The following INTS3 variants were observed in gnomAD, a reference collection of about 807,000 sequenced individuals.
INTS3 encodes the protein integrator complex subunit 3, also known as SOSS complex subunit A.
Under a neutral mutation model 146.3 loss-of-function variants are expected in INTS3, and 34 were observed. The observed-to-expected ratio is 0.23, with a 90% confidence interval of 0.18 to 0.31. The LOEUF is 0.31. INTS3 is among the 10% of genes least tolerant of loss of function. The pLI is 1.00. For missense variants in INTS3, 757 were observed against 1,304.2 expected (o/e 0.58, Z 6.46); for synonymous variants, 475 against 494.9 (o/e 0.96, Z 0.53).
Position 153,774,446 on chromosome 1 carries a change from C to T in INTS3, c.*1176C>T, listed in dbSNP as rs1673060274. On this transcript the variant is annotated 3_prime_UTR_variant, in exon 30 of 30. Coordinates refer to ENST00000318967, the MANE Select transcript of INTS3 (RefSeq NM_023015.5). The stretch of plus-strand genomic sequence containing the variant: ...GACGGGAGGGATGCTCCAGCTTGGT[C>T]TCCAGGGACAACTGTACCTGGAGAT... The T allele has an allele frequency of 6.6e-6, 1 of 152,220 alleles. No homozygotes were observed. Among genetic ancestry groups the T allele is most frequent in the Non-Finnish European group, 1.5e-5 (1 of 68,064 alleles). 9.4% of individuals were successfully genotyped at this position (152,220 alleles called of 1,614,324 possible). A position where few individuals can be genotyped will look rare whatever the true frequency, so the allele number is the denominator to read the frequency against.
chr1:153,760,333 C>G lies in INTS3; in HGVS notation c.1260C>G (p.His420Gln), dbSNP rs1204912556. ...MNIEPAILVM[H>Q]HSMKPHPAIT... ...CAGAACCAGCCATCCTGGTCATGCA[C>G]CACTCCATGAAGCCCCACCCAGCCA... Residue 420 changes from histidine to glutamine, a missense_variant, in exon 12 of 30, where the codon CAC (histidine) becomes CAG (glutamine). His to Gln is a conservative substitution (Grantham distance 24). Around this residue, in one of 8 missense-constraint regions of INTS3, gnomAD observed 35 missense variants for 122.2 expected, o/e 0.29. Coordinates refer to ENST00000318967, the MANE Select transcript of INTS3 (RefSeq NM_023015.5). The G allele has an allele frequency of 6.2e-7, 1 of 1,613,674 alleles. No homozygotes were observed. The highest frequency in any genetic ancestry group is 1.1e-5 in the South Asian group (1 of 91,056).
chr1:153,756,288 G>A (rs916921380), intron 9 of INTS3, among the ~76,000 whole-genome samples: 4 of 149,596 alleles, frequency 2.7e-5, no homozygotes, highest in East Asian at 2.0e-4. Flanking sequence ...GAACCCAGAC[G>A]CAGGAGGCAG....
In INTS3 at chr1:153,747,039, A is replaced by T. The variant is rs767775906; in HGVS notation, c.401A>T (p.Tyr134Phe). Residue 134 changes from tyrosine to phenylalanine, a missense_variant, in exon 4 of 30, where the codon TAC becomes TTC. Physicochemically the swap from Tyr to Phe is conservative, Grantham distance 22 (BLOSUM62 3). Transcript: ENST00000318967. ...ATCAACCAGATACTTATGGAGAAGT[A>T]CCTGAAGCTGCAGGATACCTGCCGT... ...NKINQILMEK[Y>F]LKLQDTCRTQ... The T allele has an allele frequency of 1.2e-6, 2 of 1,613,404 alleles. No individual in the cohort carries two copies. Among genetic ancestry groups the T allele is most frequent in the Non-Finnish European group, 1.7e-6 (2 of 1,179,452 alleles).
rs948053426 is a variant in INTS3, at chr1:153,772,849, G to A, written c.2895-76G>A. Reference sequence around the variant, plus strand: ...TGAAGAAAAAGAAGGCCTAGGCCTGGGGGCAGAGAAGAGGATGGGAGGTGC... The same window carrying A: ...TGAAGAAAAAGAAGGCCTAGGCCTGAGGGCAGAGAAGAGGATGGGAGGTGC... On this transcript the variant is annotated intron_variant, in intron 28 of 29. Coordinates refer to ENST00000318967, the MANE Select transcript of INTS3 (RefSeq NM_023015.5). The surrounding 1 kb of genome is among the most constrained non-coding windows in gnomAD (Gnocchi z 4.6). 31 of 1,600,156 alleles carry A rather than the reference G, an allele frequency of 1.9e-5. No homozygotes were observed. The African/African-American group carries it at 4.2e-4, about 22-fold the overall frequency.
At chr1:153,751,055 C>A (rs745414622) in intron 6 of INTS3, 40 bp from the exon 7 acceptor site, 16 of 1,608,442 alleles carry the variant, frequency 9.9e-6, no homozygotes, top group East Asian at 8.9e-5. Context: ...GTGAATAGTT[C>A]TAGACAGAGC....
chr1:153,762,729 C>T lies in INTS3; in HGVS notation c.1518C>T (p.Val506=). ...FCSSPSPPVE[V]KIEEPVSMEM... is the part of the protein sequence containing the mutation. ...GCCTTATCTTTTTTTACTCCCAAGT[C>T]AAAATTGAGGAGCCAGTTTCCATGG... The change falls in exon 15 of 30, where the codon GTC becomes GTT. Residue 506 remains valine (V), a splice_region_variant and synonymous_variant. Coordinates refer to ENST00000318967, the MANE Select transcript of INTS3 (RefSeq NM_023015.5). 6.2e-7 allele frequency: 1 copy of T among 1,614,076 alleles called. No individual in the cohort carries two copies. The highest frequency in any genetic ancestry group is 1.3e-5 in the African/African-American group (1 of 75,024).
intron 13 of INTS3, chr1:153,761,147 C>A: frequency 8.5e-7 from 1 of 1,175,628 alleles, no homozygotes; most frequent in African/African-American, 1.5e-5. Flanking sequence ...TGACCCCCTT[C>A]AGGGATCTGA....
Position 153,728,484 on chromosome 1 carries a change from A to C in INTS3, c.-151A>C. The C allele has an allele frequency of 1.1e-6, 1 of 912,262 alleles. No individual in the cohort carries two copies. The allele number at this position is 912,262 out of a possible 1,614,324, so 56.5% of individuals were successfully genotyped here. ...CCAACGCAGGCGCGGCCTTTTGGAGAGGAGGGAGGAGTGGAGAGGACAGGG... is the reference window on the plus strand; with the variant it reads ...CCAACGCAGGCGCGGCCTTTTGGAGCGGAGGGAGGAGTGGAGAGGACAGGG... On this transcript the variant is annotated 5_prime_UTR_variant, in exon 1 of 30. Coordinates refer to ENST00000318967, the MANE Select transcript of INTS3 (RefSeq NM_023015.5).
At chr1:153,765,761 G>C (rs943752955) in intron 20 of INTS3, among the ~76,000 whole-genome samples, 2 of 151,886 alleles carry the variant, frequency 1.3e-5, no homozygotes, top group Non-Finnish European at 2.9e-5. Context: ...GTAGAGACAG[G>C]GTTTCTCTGT....
rs770530220 is a variant in INTS3, at chr1:153,772,567, G to C, written c.2822-72G>C. On this transcript the variant is annotated intron_variant, in intron 27 of 29. Coordinates refer to ENST00000318967, the MANE Select transcript of INTS3 (RefSeq NM_023015.5). The surrounding 1 kb of genome is among the most constrained non-coding windows in gnomAD (Gnocchi z 4.6). The stretch of plus-strand genomic sequence containing the variant: ...ACCCACACTCGGGATAAAACAACCT[G>C]TGCGTGCTGTTTAATAAGCTCCCAG... 7 of 1,611,582 alleles carry C rather than the reference G, an allele frequency of 4.3e-6. No homozygotes were observed. In the East Asian group the frequency reaches 1.3e-4, roughly 31 times the overall value.
intron 7 of INTS3, 62 bp downstream of exon 7, chr1:153,751,301 G>A: frequency 1.3e-6 from 2 of 1,536,738 alleles, no homozygotes; most frequent in South Asian, 1.1e-5. Context: ...ACCTCTGGAG[G>A]TTTATGCAGT....
chr1:153,728,255 C>G lies in INTS3; in HGVS notation c.-380C>G, dbSNP rs1670929882. 5.1e-6 allele frequency: 2 copies of G among 391,576 alleles called. No individual in the cohort carries two copies. Among genetic ancestry groups the G allele is most frequent in the Non-Finnish European group, 9.0e-6 (2 of 221,864 alleles). The allele number at this position is 391,576 out of a possible 1,614,324, so 24.3% of individuals were successfully genotyped here. On this transcript the variant is annotated 5_prime_UTR_variant, in exon 1 of 30. Coordinates refer to ENST00000318967, the MANE Select transcript of INTS3 (RefSeq NM_023015.5). ...CAGGGGCAGGACTCCTCTTTTCCCCCCACGGGGAAAAGAGGCAGAAACTTA... is the reference window on the plus strand; with the variant it reads ...CAGGGGCAGGACTCCTCTTTTCCCCGCACGGGGAAAAGAGGCAGAAACTTA...
chr1:153,728,208 G>A lies in INTS3; in HGVS notation c.-427G>A. ...CCCCAAGCCTTGGGGCATCAGCCAG[G>A]AAGGTTTCCTACCTCCTAATTCAGG... On this transcript the variant is annotated 5_prime_UTR_variant, in exon 1 of 30. Coordinates refer to ENST00000318967, the MANE Select transcript of INTS3 (RefSeq NM_023015.5). 1 of 397,580 alleles carries A rather than the reference G, an allele frequency of 2.5e-6. No individual in the cohort carries two copies. The highest frequency in any genetic ancestry group is 4.4e-6 in the Non-Finnish European group (1 of 225,308). The allele number at this position is 397,580 out of a possible 1,614,324, so 24.6% of individuals were successfully genotyped here. A position where few individuals can be genotyped will look rare whatever the true frequency, so the allele number is the denominator to read the frequency against.
At chr1:153,751,469 T>A (rs1227478037) in intron 7 of INTS3, among the ~76,000 whole-genome samples, 2 of 152,210 alleles carry the variant, frequency 1.3e-5, no homozygotes, top group Non-Finnish European at 2.9e-5. Context: ...GGGATTTCCC[T>A]GGTCAGCTTC....
intron 3 of INTS3, among the ~76,000 whole-genome samples, chr1:153,744,680 C>T (rs1167366891): frequency 6.6e-6 from 1 of 152,154 alleles, no homozygotes; most frequent in Non-Finnish European, 1.5e-5. Context: ...TTAGGAGTCT[C>T]TCAAGGCTAG....
At chr1:153,745,625 A>C (rs1214938289) in intron 3 of INTS3, among the ~76,000 whole-genome samples, 1 of 150,996 alleles carries the variant, frequency 6.6e-6, no homozygotes, top group Non-Finnish European at 1.5e-5. Flanking sequence ...GTATTCCTCC[A>C]GGAGTCTGGT....
At chr1:153,739,817 C>CA (rs1245420578) in intron 1 of INTS3, among the ~76,000 whole-genome samples, 1 of 151,320 alleles carries the variant, frequency 6.6e-6, no homozygotes, top group East Asian at 2.0e-4. Context: ...TTTTTTGAGA[C>CA]AGAGTCTCGC....
chr1:153,762,927 C>A (rs1328935255), intron 15 of INTS3, 80 bp downstream of exon 15: 3 of 1,541,160 alleles, frequency 1.9e-6, no homozygotes, highest in South Asian at 1.2e-5. Context: ...TCTCTGCACT[C>A]TTCCTGTCAC....
intron 1 of INTS3, among the ~76,000 whole-genome samples, chr1:153,739,466 C>G (rs1671435090): frequency 6.6e-6 from 1 of 151,794 alleles, no homozygotes; most frequent in Admixed American, 6.6e-5. Flanking sequence ...CCTCAGCCTC[C>G]CGAGTAGCTG....
Sources: gnomAD v4.1 joint callset for allele counts (sites outside exome capture counted in the v4.1 genomes callset) on GRCh38, gnomAD v4.1.1 for gene constraint, gnomAD v4.1.1 regional missense constraint, Gnocchi (gnomAD v3.1) non-coding constraint, MANE v1.5 for transcripts, NCBI Gene and HGNC (gene_info 2026-07-23, HGNC 2026-07-21) for gene names.